The following PSD3 variants were observed in gnomAD, a reference collection of about 807,000 sequenced individuals.
PSD3 encodes pleckstrin and Sec7 domain containing 3, also known as PH and SEC7 domain-containing protein 3.
Under a neutral mutation model 105.5 loss-of-function variants are expected in PSD3, and 49 were observed. That is an observed-to-expected ratio of 0.46 (90% confidence interval 0.37 to 0.59). The LOEUF is 0.59. Among genes scored for constraint, PSD3 ranks in the 20% least tolerant of loss-of-function variants. The probability of loss-of-function intolerance (pLI) is 0.00; values close to 1 mark genes in which losing one functional copy is unlikely to be tolerated. For missense variants in PSD3, 1,561 were observed against 1,263.8 expected (o/e 1.24, Z -3.57); for synonymous variants, 557 against 457.8 (o/e 1.22, Z -2.77).
At chr8:18,865,175 A>T (rs1309444640) in intron 4 of PSD3, 1 of 140,590 alleles carries the variant, frequency 7.1e-6, no homozygotes, top group African/African-American at 2.6e-5. Context: ...CAAGACAGCC[A>T]CGTGGCTTTG....
At chr8:18,539,596 G>A (rs1450525299) in intron 15 of PSD3, among the ~76,000 whole-genome samples, 1 of 143,706 alleles carries the variant, frequency 7.0e-6, no homozygotes, top group Admixed American at 7.2e-5. Flanking sequence ...TCTCCAGGCT[G>A]GAGGGCAGTG....
At chr8:18,779,707 A>T (rs531274555) in intron 8 of PSD3, among the ~76,000 whole-genome samples, 3 of 152,230 alleles carry the variant, frequency 2.0e-5, no homozygotes, top group African/African-American at 7.2e-5. Flanking sequence ...ATGGCTCATA[A>T]TTGTGGCTTA....
chr8:19,083,173 C>G (rs1829697098), intron 1 of PSD3, among the ~76,000 whole-genome samples: 1 of 152,180 alleles, frequency 6.6e-6, no homozygotes, highest in Non-Finnish European at 1.5e-5. Flanking sequence ...ATCCCACCAC[C>G]CTCCACACCC....
chr8:18,559,950 A>G (rs1231437999), intron 14 of PSD3, among the ~76,000 whole-genome samples: 1 of 152,212 alleles, frequency 6.6e-6, no homozygotes, highest in Non-Finnish European at 1.5e-5. Flanking sequence ...GAACTAACCG[A>G]GGAAGTGCTG....
At chr8:19,002,396 A>G (rs1826450162) in intron 1 of PSD3, among the ~76,000 whole-genome samples, 2 of 151,930 alleles carry the variant, frequency 1.3e-5, no homozygotes, top group African/African-American at 2.4e-5. Flanking sequence ...CGTTCCTATT[A>G]TCGCATTTAT....
At chr8:18,859,124 G>A (rs1389460776) in intron 4 of PSD3, among the ~76,000 whole-genome samples, 2 of 152,080 alleles carry the variant, frequency 1.3e-5, no homozygotes, top group Non-Finnish European at 2.9e-5. Context: ...TTGTGTTGGC[G>A]GGCATTAGAA....
At chr8:18,920,959 G>A (rs1398332736) in intron 2 of PSD3, among the ~76,000 whole-genome samples, 6 of 152,024 alleles carry the variant, frequency 3.9e-5, no homozygotes, top group East Asian at 1.9e-4. Context: ...GAATCTCTGC[G>A]TGATTCTACC....
intron 9 of PSD3, chr8:18,729,991 G>C (rs534099633): frequency 3.0e-4 from 45 of 152,120 alleles, no homozygotes; most frequent in Non-Finnish European, 4.6e-4. Flanking sequence ...GACTGGAAAA[G>C]GAAGAAAGCA....
chr8:18,718,158 C>G (rs1396781351), intron 9 of PSD3, among the ~76,000 whole-genome samples: 1 of 152,198 alleles, frequency 6.6e-6, no homozygotes, highest in East Asian at 1.9e-4. Context: ...ACACCCCTAC[C>G]CTGTCGCCAT....
At chr8:18,876,787 C>A (rs543659327) in intron 2 of PSD3, among the ~76,000 whole-genome samples, 1 of 152,284 alleles carries the variant, frequency 6.6e-6, no homozygotes, top group African/African-American at 2.4e-5. Flanking sequence ...TTTTAAGAAA[C>A]TGCTGAACAG....
chr8:19,049,285 C>T (rs1424217931), intron 1 of PSD3, among the ~76,000 whole-genome samples: 3 of 152,246 alleles, frequency 2.0e-5, no homozygotes, highest in East Asian at 1.9e-4. Context: ...TATCTCCCAT[C>T]GTCGTAGTCC....
At chr8:18,944,986 T>C (rs1262448830) in intron 1 of PSD3, among the ~76,000 whole-genome samples, 1 of 152,200 alleles carries the variant, frequency 6.6e-6, no homozygotes, top group African/African-American at 2.4e-5. Flanking sequence ...AAATATTCTT[T>C]AGATCTAAGA....
At chr8:18,630,832 G>C (rs1014381208) in intron 11 of PSD3, among the ~76,000 whole-genome samples, 4 of 151,716 alleles carry the variant, frequency 2.6e-5, no homozygotes, top group African/African-American at 9.7e-5. Flanking sequence ...ATTCCCCAAA[G>C]AATACAACAT....
chr8:18,767,500 C>CA (rs1807109537), intron 8 of PSD3, among the ~76,000 whole-genome samples: 1 of 152,204 alleles, frequency 6.6e-6, no homozygotes, highest in East Asian at 1.9e-4. Context: ...GTAATCCCAG[C>CA]ACTTTCGGAG....
At chr8:19,084,534 G>C (rs1428441435) in exon 1 of PSD3, 2 of 404,752 alleles carry the variant, frequency 4.9e-6, no homozygotes, top group Admixed American at 5.2e-5. Flanking sequence ...ACTCATGATG[G>C]GAGCTGGGCT....
intron 8 of PSD3, among the ~76,000 whole-genome samples, chr8:18,797,441 C>G (rs1320562133): frequency 6.6e-6 from 1 of 152,126 alleles, no homozygotes; most frequent in Non-Finnish European, 1.5e-5. Flanking sequence ...CAAGAAGAAG[C>G]AGGATGCTTC....
chr8:18,928,196 C>T (rs1960416), intron 2 of PSD3, among the ~76,000 whole-genome samples: 29,725 of 152,118 alleles, frequency 0.2, 3,142 homozygotes, highest in African/African-American at 0.25. Context: ...TGGAATCATG[C>T]GGGCAGTTTC....
At chr8:18,980,617 T>C (rs1825202825) in intron 1 of PSD3, among the ~76,000 whole-genome samples, 1 of 152,154 alleles carries the variant, frequency 6.6e-6, no homozygotes, top group Non-Finnish European at 1.5e-5. Context: ...CTTCTCTCCT[T>C]TCTTGCCTCT....
At chr8:19,070,803 C>T (rs1829230247) in intron 1 of PSD3, among the ~76,000 whole-genome samples, 1 of 152,178 alleles carries the variant, frequency 6.6e-6, no homozygotes, top group Non-Finnish European at 1.5e-5. Flanking sequence ...CTTTAAATCA[C>T]TGGAACTCAG....
Sources: gnomAD v4.1 joint callset for allele counts (sites outside exome capture counted in the v4.1 genomes callset) on GRCh38, gnomAD v4.1.1 for gene constraint, MANE v1.5 for transcripts, NCBI Gene and HGNC (gene_info 2026-07-23, HGNC 2026-07-21) for gene names.